TENM3: variants seen among roughly 807,000 people sequenced by gnomAD.
The protein encoded by TENM3 is teneurin transmembrane protein 3.
A neutral mutation model predicts 255.1 loss-of-function variants in TENM3; 63 were observed. The observed-to-expected ratio is 0.25, with a 90% CI of 0.20 to 0.30. The LOEUF is 0.30. Ranked by LOEUF, TENM3 falls within the 10% of genes least tolerant of loss-of-function variation. TENM3 has a pLI of 1.00. For synonymous variants in TENM3, 1,306 were observed against 1,322.3 expected (o/e 0.99, Z 0.27); for missense variants, 2,929 against 3,461.1 (o/e 0.85, Z 3.86).
chr4:181,725,465 G>GT, the TENM3 span, among the ~76,000 whole-genome samples: 10 of 52,270 alleles, frequency 1.9e-4, no homozygotes, highest in East Asian at 4.9e-4. Context: ...TTGTTTGTTT[G>GT]TTTTTTTTAG....
chr4:181,639,171 C>G, the TENM3 span, among the ~76,000 whole-genome samples: 1 of 152,042 alleles, frequency 6.6e-6, no homozygotes, highest in Non-Finnish European at 1.5e-5. Context: ...GAGCAAAAAG[C>G]TATGGGAAAT....
the TENM3 span, among the ~76,000 whole-genome samples, chr4:182,010,545 T>C: frequency 2.0e-5 from 3 of 152,154 alleles, no homozygotes; most frequent in East Asian, 5.8e-4. Context: ...ATAACTCTGA[T>C]TTTTCAAAGA....
At chr4:181,535,026 T>C in the TENM3 span, among the ~76,000 whole-genome samples, 1 of 152,284 alleles carries the variant, frequency 6.6e-6, no homozygotes, top group East Asian at 1.9e-4. Context: ...GCTAACCCTA[T>C]GCAGCGGTTC....
intron 4 of TENM3, among the ~76,000 whole-genome samples, chr4:182,616,204 CTTG>C (rs556943218): frequency 4.7e-4 from 72 of 152,278 alleles, no homozygotes; most frequent in Admixed American, 1.3e-3. Context: ...CCTTATCAGT[CTTG>C]TTGAACTGTT....
chr4:182,419,239 CA>C (rs1770614546), intron 3 of TENM3, among the ~76,000 whole-genome samples: 2 of 152,120 alleles, frequency 1.3e-5, no homozygotes, highest in South Asian at 4.1e-4. Context: ...CAAAAGAAGA[CA>C]TTTATGCAGC....
chr4:181,896,986 T>C, the TENM3 span, among the ~76,000 whole-genome samples: 3 of 152,308 alleles, frequency 2.0e-5, no homozygotes, highest in Admixed American at 2.0e-4. Context: ...TGAAATTCTA[T>C]TACCCACCTT....
At position 182,789,138 on chromosome 4, in the gene TENM3, A is replaced by C. The variant is rs775700730; in HGVS notation, c.5350A>C (p.Lys1784Gln). ...TTCAGTTGACTTTGATCGAACAACA[A>C]AGACAGAAAAGATCTATGACGACCA... ...LLSVDFDRTT[K>Q]TEKIYDDHRK... Residue 1784 changes from lysine to glutamine, a missense_variant, in exon 25 of 28, where the codon AAG (lysine) becomes CAG (glutamine). Physicochemically the swap from Lys to Gln is moderately conservative, Grantham distance 53. Coordinates refer to ENST00000511685, the MANE Select transcript of TENM3 (RefSeq NM_001080477.4). This position sits in a 1 kb window ranked among gnomAD's most constrained non-coding sequence, Gnocchi z 4.4. 2 of 1,612,096 alleles carry C rather than the reference A, an allele frequency of 1.2e-6. No individual in the cohort carries two copies. The highest frequency in any genetic ancestry group is 1.7e-6 in the Non-Finnish European group (2 of 1,178,752).
intron 22 of TENM3, among the ~76,000 whole-genome samples, chr4:182,766,367 A>G (rs1188981797): frequency 2.0e-5 from 3 of 152,102 alleles, no homozygotes; most frequent in African/African-American, 7.2e-5. Flanking sequence ...CACTCGATAA[A>G]CAATTTAAAA....
chr4:181,594,139 AAC>A, the TENM3 span, among the ~76,000 whole-genome samples: 1 of 152,190 alleles, frequency 6.6e-6, no homozygotes, highest in African/African-American at 2.4e-5. Context: ...AGACTGAGAA[AAC>A]ATGTAACGAT....
intron 5 of TENM3, among the ~76,000 whole-genome samples, chr4:182,635,768 C>T (rs1288184886): frequency 1.3e-5 from 2 of 152,100 alleles, no homozygotes; most frequent in Non-Finnish European, 1.5e-5. Context: ...CATAACCTGT[C>T]GAATCCAGGT....
At chr4:182,363,352 T>C (rs1580301947) in intron 3 of TENM3, among the ~76,000 whole-genome samples, 2 of 152,038 alleles carry the variant, frequency 1.3e-5, no homozygotes, top group Non-Finnish European at 2.9e-5. Flanking sequence ...TGTGTGTATG[T>C]ATGTGTATAT....
chr4:181,624,120 C>A, the TENM3 span, among the ~76,000 whole-genome samples: 1 of 152,156 alleles, frequency 6.6e-6, no homozygotes, highest in African/African-American at 2.4e-5. Flanking sequence ...ACTATATGAA[C>A]ATCTGTATCC....
At chr4:182,125,914 C>T in the TENM3 span, among the ~76,000 whole-genome samples, 2 of 151,672 alleles carry the variant, frequency 1.3e-5, no homozygotes, top group East Asian at 3.9e-4. Flanking sequence ...GATTTGAAAG[C>T]GTATGTCTAA....
the TENM3 span, among the ~76,000 whole-genome samples, chr4:181,644,244 C>T: frequency 1.3e-5 from 2 of 152,028 alleles, no homozygotes; most frequent in East Asian, 1.9e-4. Context: ...GAAGATAGAG[C>T]CCGTAATAGT....
chr4:181,719,833 G>A, the TENM3 span, among the ~76,000 whole-genome samples: 1 of 152,226 alleles, frequency 6.6e-6, no homozygotes, highest in African/African-American at 2.4e-5. Context: ...AATGAAATCT[G>A]GAATCTTGGA....
chr4:182,047,511 G>A, the TENM3 span, among the ~76,000 whole-genome samples: 5 of 135,032 alleles, frequency 3.7e-5, no homozygotes, highest in Middle Eastern at 5.1e-3. Flanking sequence ...GCAGTGAGCC[G>A]AGAGTGCACC....
the TENM3 span, among the ~76,000 whole-genome samples, chr4:181,543,284 T>C: frequency 6.6e-6 from 1 of 152,020 alleles, no homozygotes; most frequent in Non-Finnish European, 1.5e-5. Context: ...TTACAGAGCT[T>C]TCTAGGTAGG....
At chr4:182,140,444 C>A (rs57525335), upstream of TENM3, among the ~76,000 whole-genome samples, 3,213 of 152,268 alleles carry the variant, frequency 0.021, 112 homozygotes, top group African/African-American at 0.073. Flanking sequence ...CGTTCCTCAT[C>A]GTTCCTAGGG....
chr4:181,922,128 C>T, the TENM3 span, among the ~76,000 whole-genome samples: 20 of 152,098 alleles, frequency 1.3e-4, no homozygotes, highest in African/African-American at 4.8e-4. Flanking sequence ...CTGCTGGATT[C>T]AGTTTGCCAG....
Sources: gnomAD v4.1 joint callset for allele counts (sites outside exome capture counted in the v4.1 genomes callset) on GRCh38, gnomAD v4.1.1 for gene constraint, Gnocchi (gnomAD v3.1) non-coding constraint, MANE v1.5 for transcripts, NCBI Gene and HGNC (gene_info 2026-07-23, HGNC 2026-07-21) for gene names.